LSAMP: variants seen among roughly 807,000 people sequenced by gnomAD.
LSAMP encodes limbic system-associated membrane protein.
Under a neutral mutation model 38.6 loss-of-function variants are expected in LSAMP, and 7 were observed. The observed-to-expected ratio is 0.18, with a 90% CI of 0.10 to 0.34. LSAMP has a LOEUF of 0.34. Ranked by LOEUF, LSAMP falls within the 10% of genes least tolerant of loss-of-function variation. The pLI, the probability that LSAMP is intolerant of heterozygous loss-of-function variation, is 1.00. For missense variants in LSAMP, 313 were observed against 420.0 expected (o/e 0.75, Z 2.23); for synonymous variants, 154 against 166.8 (o/e 0.92, Z 0.59).
intron 3 of LSAMP, among the ~76,000 whole-genome samples, chr3:115,973,808 A>C (rs542075382): frequency 7.2e-5 from 11 of 152,352 alleles, no homozygotes; most frequent in African/African-American, 2.4e-4. Flanking sequence ...GCAATATTTT[A>C]AATAATTTTG....
At chr3:116,203,213 T>A (rs912909543) in intron 1 of LSAMP, among the ~76,000 whole-genome samples, 34 of 152,182 alleles carry the variant, frequency 2.2e-4, no homozygotes, top group African/African-American at 7.2e-4. Flanking sequence ...CGCAAGGCAA[T>A]ATTTAATTTC....
intron 2 of LSAMP, among the ~76,000 whole-genome samples, chr3:116,059,995 C>T (rs1367678554): frequency 6.6e-6 from 1 of 152,162 alleles, no homozygotes; most frequent in Non-Finnish European, 1.5e-5. Flanking sequence ...TGTTACATAC[C>T]AATGCCTCCA....
chr3:116,394,853 T>A (rs998545790), intron 1 of LSAMP, among the ~76,000 whole-genome samples: 1 of 152,220 alleles, frequency 6.6e-6, no homozygotes, highest in Non-Finnish European at 1.5e-5. Flanking sequence ...TCATCTTTCC[T>A]TGATTATTAG....
At chr3:115,933,544 C>T (rs965624031) in intron 3 of LSAMP, among the ~76,000 whole-genome samples, 2 of 151,998 alleles carry the variant, frequency 1.3e-5, no homozygotes, top group Non-Finnish European at 2.9e-5. Flanking sequence ...AAATTGAGAC[C>T]CGTAACATGA....
chr3:116,250,552 T>A (rs556396044), intron 1 of LSAMP, among the ~76,000 whole-genome samples: 1 of 152,146 alleles, frequency 6.6e-6, no homozygotes, highest in Non-Finnish European at 1.5e-5. Context: ...AGGTTGTGAT[T>A]TAAAAAAACA....
Position 116,157,375 on chromosome 3 carries a change from C to T in LSAMP, c.156-70819G>A, listed in dbSNP as rs958969443. Among the ~76,000 whole-genome samples the T allele has an allele frequency of 1.5e-4, 23 of 152,156 alleles. 1 individual carries two copies. The highest frequency in any genetic ancestry group is 1.2e-3 in the Admixed American group (18 of 15,254). On this transcript the variant is annotated intron_variant, in intron 1 of 6. Transcript: ENST00000490035. ...CAGTGGAAATGTTAGTTTCCTCAGG[C>T]GCTCCTATGTTCATTACTTTCTTCT...
At chr3:115,826,883 C>T (rs1314806222) in intron 6 of LSAMP, among the ~76,000 whole-genome samples, 1 of 150,564 alleles carries the variant, frequency 6.6e-6, no homozygotes, top group Non-Finnish European at 1.5e-5. Flanking sequence ...AAAAATCATA[C>T]TATTTACGAG....
In LSAMP at chr3:116,150,966, C is replaced by T. The variant is rs73858548; in HGVS notation, c.156-64410G>A. On this transcript the variant is annotated intron_variant, in intron 1 of 6. Coordinates refer to ENST00000490035, the MANE Select transcript of LSAMP (RefSeq NM_002338.5). Reference sequence around the variant, plus strand: ...CTAATAATAGTGTTCCCAGGTGGTGCCTTACTGGATCCGTTTTAAGAATTG... The same window carrying T: ...CTAATAATAGTGTTCCCAGGTGGTGTCTTACTGGATCCGTTTTAAGAATTG... Among the ~76,000 whole-genome samples, 426 of 152,028 alleles carry T rather than the reference C, an allele frequency of 2.8e-3. 1 individual carries two copies. The highest frequency in any genetic ancestry group is 9.7e-3 in the African/African-American group (403 of 41,500).
At chr3:116,079,447 A>G (rs1652066214) in intron 2 of LSAMP, among the ~76,000 whole-genome samples, 1 of 152,178 alleles carries the variant, frequency 6.6e-6, no homozygotes, top group African/African-American at 2.4e-5. Flanking sequence ...TCACGAGGTC[A>G]GTAGTTGGTC....
intron 3 of LSAMP, among the ~76,000 whole-genome samples, chr3:115,983,733 G>A (rs1362219954): frequency 6.6e-6 from 1 of 152,116 alleles, no homozygotes; most frequent in East Asian, 1.9e-4. Flanking sequence ...CAGAACACAT[G>A]AGAGGACAGT....
chr3:116,443,099 A>G (rs2049459108), intron 1 of LSAMP, among the ~76,000 whole-genome samples: 1 of 152,244 alleles, frequency 6.6e-6, no homozygotes, highest in African/African-American at 2.4e-5. Flanking sequence ...TCAATCTTGT[A>G]ACCAGTGAAC....
chr3:115,840,456 G>T (rs1278892313), intron 6 of LSAMP, among the ~76,000 whole-genome samples: 1 of 151,982 alleles, frequency 6.6e-6, no homozygotes, highest in Non-Finnish European at 1.5e-5. Context: ...GGATATTGAT[G>T]TCTCTAGTTG....
chr3:116,440,407 A>G (rs1209862839), intron 1 of LSAMP, among the ~76,000 whole-genome samples: 1 of 152,244 alleles, frequency 6.6e-6, no homozygotes, highest in Non-Finnish European at 1.5e-5. Flanking sequence ...CCAGTGACTC[A>G]GTGGATGAGT....
intron 2 of LSAMP, among the ~76,000 whole-genome samples, chr3:116,050,780 A>T (rs1321621105): frequency 1.3e-5 from 2 of 152,210 alleles, no homozygotes; most frequent in East Asian, 3.8e-4. Context: ...CTTCTTTCTT[A>T]AAAGATCCAA....
rs543955803 is a variant in LSAMP, at chr3:115,953,089, C to A, written c.514+66426G>T. On this transcript the variant is annotated intron_variant, in intron 3 of 6. Coordinates refer to ENST00000490035, the MANE Select transcript of LSAMP (RefSeq NM_002338.5). Reference sequence around the variant, plus strand: ...GTCTGATTCAGAGCTTCTTCTCAGCCACTGCACCTCATCAACCTCCTCATC... The same window carrying A: ...GTCTGATTCAGAGCTTCTTCTCAGCAACTGCACCTCATCAACCTCCTCATC... 8.7e-3 allele frequency among the ~76,000 whole-genome samples: 1,327 copies of A among 152,204 alleles called. 14 individuals are homozygous for A. Among genetic ancestry groups the A allele is most frequent in the South Asian group, 0.026 (125 of 4,820 alleles).
chr3:116,425,187 G>A (rs758554233), intron 1 of LSAMP, among the ~76,000 whole-genome samples: 8 of 152,264 alleles, frequency 5.3e-5, no homozygotes, highest in Middle Eastern at 3.4e-3. Flanking sequence ...CACCTGTAAC[G>A]AACAGCATAG....
chr3:116,158,100 C>G (rs1460728392), intron 1 of LSAMP, among the ~76,000 whole-genome samples: 1 of 151,712 alleles, frequency 6.6e-6, no homozygotes, highest in Non-Finnish European at 1.5e-5. Flanking sequence ...ACGAAAACAA[C>G]AAAAAAGAGA....
chr3:116,375,347 T>G (rs2048481743), intron 1 of LSAMP, among the ~76,000 whole-genome samples: 1 of 151,956 alleles, frequency 6.6e-6, no homozygotes, highest in Non-Finnish European at 1.5e-5. Context: ...TTTTAAATTT[T>G]TTAAGTATAT....
intron 1 of LSAMP, among the ~76,000 whole-genome samples, chr3:116,282,490 G>A (rs1047071066): frequency 1.3e-5 from 2 of 152,038 alleles, no homozygotes; most frequent in African/African-American, 4.8e-5. Context: ...TGTGAAACAC[G>A]TAGTTGTGAT....
Sources: allele counts gnomAD v4.1 joint callset (sites outside exome capture counted in the v4.1 genomes callset), GRCh38; gene constraint gnomAD v4.1.1; transcripts MANE v1.5; gene names NCBI Gene and HGNC (gene_info 2026-07-23, HGNC 2026-07-21).